The following RAD51B variants were observed in gnomAD, a reference collection of about 807,000 sequenced individuals.
RAD51B encodes the protein DNA repair protein RAD51 homolog 2.
RAD51B carries 38 observed loss-of-function variants against 42.2 expected under a neutral mutation model. The observed-to-expected ratio is 0.90, with a 90% CI of 0.70 to 1.18. The LOEUF is 1.18. Among genes scored for constraint, RAD51B ranks in the 50% most tolerant of loss-of-function variants. The pLI, the probability that RAD51B is intolerant of heterozygous loss-of-function variation, is 0.00. For missense variants in RAD51B, 373 were observed against 400.7 expected (o/e 0.93, Z 0.59); for synonymous variants, 154 against 145.2 (o/e 1.06, Z -0.43).
At chr14:68,355,920 A>C (rs997747427) in intron 8 of RAD51B, among the ~76,000 whole-genome samples, 2 of 152,172 alleles carry the variant, frequency 1.3e-5, no homozygotes, top group African/African-American at 4.8e-5. Flanking sequence ...CCATTTATGC[A>C]TTTCCCAATT....
chr14:68,206,043 C>T (rs1283327237), intron 7 of RAD51B, among the ~76,000 whole-genome samples: 1 of 152,188 alleles, frequency 6.6e-6, no homozygotes, highest in Non-Finnish European at 1.5e-5. Context: ...CTTTAGTTGT[C>T]ATGTTCCTTT....
intron 7 of RAD51B, among the ~76,000 whole-genome samples, chr14:68,200,871 C>T (rs759607874): frequency 2.2e-4 from 34 of 151,822 alleles, no homozygotes; most frequent in Non-Finnish European, 3.2e-4. Context: ...TTGCCCAGGC[C>T]GGTCTCAAAC....
intron 7 of RAD51B, among the ~76,000 whole-genome samples, chr14:68,201,268 T>C (rs910123395): frequency 6.6e-6 from 1 of 152,212 alleles, no homozygotes; most frequent in African/African-American, 2.4e-5. Context: ...TAAAGCTCTT[T>C]CTTGGTTACA....
chr14:68,121,669 A>T (rs952118566), intron 7 of RAD51B, among the ~76,000 whole-genome samples: 6 of 152,068 alleles, frequency 3.9e-5, no homozygotes, highest in East Asian at 3.8e-4. Context: ...AATTAGAAAT[A>T]AAAAAAACTA....
rs1281199182 is a variant in RAD51B, at chr14:68,005,681, G to A, written c.756+118477G>A. On this transcript the variant is annotated intron_variant, in intron 7 of 10. Coordinates refer to ENST00000471583, the MANE Select transcript of RAD51B (RefSeq NM_133510.4). The stretch of plus-strand genomic sequence containing the variant: ...TAACTTGCCTTTCTTTGATGATTAA[G>A]CACATTAAACACTTTTTTCATATAC... 2.0e-5 allele frequency among the ~76,000 whole-genome samples: 3 copies of A among 152,074 alleles called. No homozygotes were observed. The East Asian group carries it at 5.8e-4, about 29-fold the overall frequency.
chr14:68,087,863 TATAATATATTATTTATATAATTATATA>T (rs2077011088), intron 7 of RAD51B, among the ~76,000 whole-genome samples: 1 of 79,516 alleles, frequency 1.3e-5, no homozygotes, highest in Non-Finnish European at 2.3e-5. Context: ...TATATAATTA[TATAATATATTATTTATATAATTATATA>T]ATATATTATT....
chr14:68,072,119 T>A (rs1036854873), intron 7 of RAD51B, among the ~76,000 whole-genome samples: 4 of 123,232 alleles, frequency 3.2e-5, no homozygotes, highest in South Asian at 4.8e-4. Context: ...AAAAAATATA[T>A]AAAATATATA....
intron 8 of RAD51B, among the ~76,000 whole-genome samples, chr14:68,375,781 TA>T (rs948439563): frequency 3.9e-5 from 6 of 152,100 alleles, no homozygotes; most frequent in Non-Finnish European, 8.8e-5. Context: ...ATATCCCCCT[TA>T]TATTGGCTTG....
intron 7 of RAD51B, among the ~76,000 whole-genome samples, chr14:68,250,235 T>C (rs1036383170): frequency 2.0e-5 from 3 of 152,148 alleles, no homozygotes; most frequent in Non-Finnish European, 4.4e-5. Context: ...CCCTCATTCG[T>C]CCTGTCTTTA....
At chr14:68,431,978 A>G (rs1472520486) in intron 9 of RAD51B, among the ~76,000 whole-genome samples, 1 of 152,218 alleles carries the variant, frequency 6.6e-6, no homozygotes, top group Non-Finnish European at 1.5e-5. Flanking sequence ...TTCAAAGAAC[A>G]TCTTTATTTC....
intron 7 of RAD51B, among the ~76,000 whole-genome samples, chr14:68,011,887 C>T (rs551438912): frequency 7.2e-4 from 110 of 152,044 alleles, no homozygotes; most frequent in Non-Finnish European, 1.3e-3. Flanking sequence ...CCATCATTTC[C>T]TGCCAAGAAT....
rs183360836 is a variant in RAD51B, at chr14:68,440,897, C to T, written c.958-27275C>T. Among the ~76,000 whole-genome samples the T allele has an allele frequency of 2.0e-5, 3 of 152,266 alleles. No individual in the cohort carries two copies. The East Asian group carries it at 5.8e-4, about 29-fold the overall frequency. ...TTTGAGAACTGGACTTGAATCCAAGCCAATATTGATTTATTTGGGATGTGT... is the reference window on the plus strand; with the variant it reads ...TTTGAGAACTGGACTTGAATCCAAGTCAATATTGATTTATTTGGGATGTGT... On this transcript the variant is annotated intron_variant, in intron 9 of 10. Coordinates refer to ENST00000471583, the MANE Select transcript of RAD51B (RefSeq NM_133510.4).
At chr14:68,286,406 C>T (rs1187149781) in intron 7 of RAD51B, among the ~76,000 whole-genome samples, 1 of 152,248 alleles carries the variant, frequency 6.6e-6, no homozygotes, top group African/African-American at 2.4e-5. Context: ...ATGAATATCT[C>T]TTCTGCTGAC....
At chr14:67,968,854 A>G (rs550077509) in intron 7 of RAD51B, among the ~76,000 whole-genome samples, 8 of 152,200 alleles carry the variant, frequency 5.3e-5, no homozygotes, top group East Asian at 1.9e-4. Context: ...CCCTACTCCA[A>G]TGGTACCAAT....
chr14:68,318,574 A>G (rs553816316), intron 8 of RAD51B, among the ~76,000 whole-genome samples: 1 of 152,330 alleles, frequency 6.6e-6, no homozygotes, highest in Admixed American at 6.5e-5. Flanking sequence ...TTTTGATATT[A>G]CTAAGAAAGA....
chr14:68,381,889 C>T (rs2083485642), intron 8 of RAD51B, among the ~76,000 whole-genome samples: 1 of 152,196 alleles, frequency 6.6e-6, no homozygotes, highest in Non-Finnish European at 1.5e-5. Flanking sequence ...CAAGACCTCT[C>T]CTGCATGGAA....
chr14:67,992,070 GA>G (rs899603523), intron 7 of RAD51B, among the ~76,000 whole-genome samples: 25 of 152,166 alleles, frequency 1.6e-4, no homozygotes, highest in Non-Finnish European at 4.4e-5. Context: ...AACATTAATA[GA>G]ATGTCTAGAA....
chr14:68,505,011 C>T (rs1432724825), intron 10 of RAD51B, among the ~76,000 whole-genome samples: 1 of 152,220 alleles, frequency 6.6e-6, no homozygotes, highest in Non-Finnish European at 1.5e-5. Context: ...ATGTAAAACT[C>T]AGGCGAATTT....
chr14:68,222,459 A>T (rs920374382), intron 7 of RAD51B, among the ~76,000 whole-genome samples: 8 of 152,184 alleles, frequency 5.3e-5, no homozygotes, highest in Non-Finnish European at 1.0e-4. Flanking sequence ...TCTCACTCAT[A>T]TGTGGGAGCT....
Sources: gnomAD v4.1 joint callset for allele counts (sites outside exome capture counted in the v4.1 genomes callset) on GRCh38, gnomAD v4.1.1 for gene constraint, MANE v1.5 for transcripts, NCBI Gene and HGNC (gene_info 2026-07-23, HGNC 2026-07-21) for gene names.